The following MAP3K20 variants were observed in gnomAD, a reference collection of about 807,000 sequenced individuals.
The protein encoded by MAP3K20 is mitogen-activated protein kinase kinase kinase 20, also known as HCCS-4.
Under a neutral mutation model 85.7 loss-of-function variants are expected in MAP3K20, and 40 were observed. The ratio of observed to expected loss-of-function variants is 0.47; its 90% CI spans 0.36 to 0.61. MAP3K20 has a LOEUF of 0.61. MAP3K20 is among the 20% of genes least tolerant of loss of function. The pLI, the probability that MAP3K20 is intolerant of heterozygous loss-of-function variation, is 0.00. For synonymous variants in MAP3K20, 325 were observed against 327.7 expected, an observed-to-expected ratio of 0.99 and a Z score of 0.09; for missense variants, 817 against 961.7, an observed-to-expected ratio of 0.85 and a Z score of 1.99.
intron 2 of MAP3K20, among the ~76,000 whole-genome samples, chr2:173,109,764 A>G (rs1486602306): frequency 1.3e-5 from 2 of 152,154 alleles, no homozygotes; most frequent in African/African-American, 4.8e-5. Flanking sequence ...TGTGTCTACA[A>G]ACAAAAAGTC....
At chr2:173,151,277 T>C (rs1392010673) in intron 2 of MAP3K20, among the ~76,000 whole-genome samples, 2 of 152,318 alleles carry the variant, frequency 1.3e-5, no homozygotes, top group Middle Eastern at 3.4e-3. Context: ...TAGACTCACC[T>C]TGGAAGCTGG....
At chr2:173,129,791 C>T (rs867053869) in intron 2 of MAP3K20, among the ~76,000 whole-genome samples, 10 of 152,230 alleles carry the variant, frequency 6.6e-5, no homozygotes, top group East Asian at 1.9e-4. Context: ...TCTAAAATTA[C>T]GCATAATCAG....
intron 2 of MAP3K20, among the ~76,000 whole-genome samples, chr2:173,117,752 G>T (rs2106183186): frequency 6.6e-6 from 1 of 152,214 alleles, no homozygotes; most frequent in South Asian, 2.1e-4. Context: ...ATCATTTTTG[G>T]CTACAGAAAT....
intron 1 of MAP3K20, chr2:173,090,620 T>C: frequency 1.0e-6 from 1 of 993,992 alleles, no homozygotes; most frequent in Non-Finnish European, 1.2e-6. Flanking sequence ...AGGGGAGCTA[T>C]GCAAGCTTGC....
intron 16 of MAP3K20, among the ~76,000 whole-genome samples, chr2:173,242,699 C>CTTTTT (rs68173816): frequency 3.6e-3 from 293 of 80,608 alleles, no homozygotes; most frequent in East Asian, 7.2e-3. Flanking sequence ...AGTAATCTTT[C>CTTTTT]TTTTTTTTTT....
At chr2:173,253,928 G>A (rs962597658) in intron 16 of MAP3K20, among the ~76,000 whole-genome samples, 2 of 151,974 alleles carry the variant, frequency 1.3e-5, no homozygotes, top group African/African-American at 2.4e-5. Context: ...GAAATTAGCC[G>A]GGCATGGTGA....
intron 16 of MAP3K20, among the ~76,000 whole-genome samples, chr2:173,256,954 C>A (rs1412341536): frequency 6.6e-6 from 1 of 152,022 alleles, no homozygotes; most frequent in African/African-American, 2.4e-5. Context: ...GAATTTGAGA[C>A]CAGCTTGAGC....
intron 10 of MAP3K20, among the ~76,000 whole-genome samples, chr2:173,213,869 A>C (rs1242762940): frequency 6.6e-6 from 1 of 152,170 alleles, no homozygotes; most frequent in Non-Finnish European, 1.5e-5. Flanking sequence ...GCTGAAAAGA[A>C]TTATATGTTT....
chr2:173,104,319 T>C (rs995897003), intron 2 of MAP3K20, among the ~76,000 whole-genome samples: 2 of 152,170 alleles, frequency 1.3e-5, no homozygotes, highest in African/African-American at 4.8e-5. Flanking sequence ...AACCCCAGTC[T>C]AGTCATGAGG....
In MAP3K20 at chr2:173,258,821, G is replaced by A. The variant is rs770451485; in HGVS notation, c.1476+6G>A. 2 of 1,558,056 alleles carry A rather than the reference G, an allele frequency of 1.3e-6. No individual in the cohort carries two copies. The highest frequency in any genetic ancestry group is 1.1e-5 in the South Asian group (1 of 89,002). ...AGATTTTAAAGATGACAAAGGTAGG[G>A]TTCTATTTACGGCTTAAAAGCTCTT... is the stretch of plus-strand genomic sequence containing the variant. On this transcript the variant is annotated splice_donor_region_variant and intron_variant, in intron 17 of 19. Coordinates refer to ENST00000375213, the MANE Select transcript of MAP3K20 (RefSeq NM_016653.3).
rs150540251 is a variant in MAP3K20 at position 173,182,418 on chromosome 2, G to C, written c.248-436G>C. ...ATTTTTCTCACTTTTTTGACCTTCT[G>C]TGCTTAAATTTTGAGAGCTCTTCTA... On this transcript the variant is annotated intron_variant, in intron 3 of 19. Transcript: ENST00000375213. Among the ~76,000 whole-genome samples, 423 of 152,222 alleles carry C rather than the reference G, an allele frequency of 2.8e-3. 5 individuals are homozygous for C. The highest frequency in any genetic ancestry group is 0.014 in the Middle Eastern group (4 of 294).
Position 173,169,910 on chromosome 2 carries a change from G to A in MAP3K20, c.247+18G>A. On this transcript the variant is annotated intron_variant, in intron 3 of 19. Coordinates refer to ENST00000375213, the MANE Select transcript of MAP3K20 (RefSeq NM_016653.3). The stretch of plus-strand genomic sequence containing the variant: ...TGTCACAGGTAAGAATTCAGTGTTT[G>A]ACTTCTTTCTTTTTCCAATTACCTA... The A allele has an allele frequency of 6.2e-7, 1 of 1,607,838 alleles. No individual in the cohort carries two copies. Among genetic ancestry groups the A allele is most frequent in the Non-Finnish European group, 8.5e-7 (1 of 1,175,434 alleles).
At chr2:173,100,470 C>T (rs1224473170) in intron 2 of MAP3K20, among the ~76,000 whole-genome samples, 3 of 152,196 alleles carry the variant, frequency 2.0e-5, no homozygotes, top group Non-Finnish European at 4.4e-5. Flanking sequence ...TCCTTGATAC[C>T]TGGTATTGTG....
chr2:173,262,159 T>C (rs753751409), intron 18 of MAP3K20, among the ~76,000 whole-genome samples: 1 of 152,230 alleles, frequency 6.6e-6, no homozygotes, highest in Non-Finnish European at 1.5e-5. Context: ...GTTTTCTGAC[T>C]ATAAAAAACA....
chr2:173,162,615 G>A (rs1438402164), intron 2 of MAP3K20, among the ~76,000 whole-genome samples: 1 of 151,330 alleles, frequency 6.6e-6, no homozygotes, highest in Non-Finnish European at 1.5e-5. Flanking sequence ...GAACCCAGGA[G>A]GCGGAGGTTG....
intron 2 of MAP3K20, among the ~76,000 whole-genome samples, chr2:173,122,372 G>T (rs1002180147): frequency 6.6e-6 from 1 of 152,102 alleles, no homozygotes; most frequent in Non-Finnish European, 1.5e-5. Flanking sequence ...GTCAACTTGT[G>T]GGGAAACTTG....
intron 4 of MAP3K20, among the ~76,000 whole-genome samples, chr2:173,184,094 C>T (rs1029276729): frequency 3.3e-5 from 5 of 152,094 alleles, no homozygotes; most frequent in Non-Finnish European, 2.9e-5. Context: ...ATTGATGCAT[C>T]GGGCATCTCA....
At chr2:173,108,316 G>A (rs1470654651) in intron 2 of MAP3K20, among the ~76,000 whole-genome samples, 1 of 152,070 alleles carries the variant, frequency 6.6e-6, no homozygotes. Context: ...ATTTTTAGTA[G>A]AGATGGGTTT....
intron 2 of MAP3K20, among the ~76,000 whole-genome samples, chr2:173,140,352 C>T (rs1351615570): frequency 6.7e-6 from 1 of 149,678 alleles, no homozygotes; most frequent in Non-Finnish European, 1.5e-5. Flanking sequence ...AGTAACTTTC[C>T]AGATTTTTTT....
Sources: gnomAD v4.1 joint callset for allele counts (sites outside exome capture counted in the v4.1 genomes callset) on GRCh38, gnomAD v4.1.1 for gene constraint, MANE v1.5 for transcripts, NCBI Gene and HGNC (gene_info 2026-07-23, HGNC 2026-07-21) for gene names.